The following KLHDC4 variants were observed in gnomAD, a reference collection of about 807,000 sequenced individuals.
KLHDC4 encodes kelch domain-containing protein 4.
KLHDC4 carries 90 observed loss-of-function variants against 62.4 expected under a neutral mutation model. The ratio of observed to expected loss-of-function variants is 1.44; its 90% CI spans 1.22 to 1.72. KLHDC4 has a LOEUF of 1.72. Ranked by LOEUF, KLHDC4 falls within the 40% of genes most tolerant of loss-of-function variation. The probability of loss-of-function intolerance (pLI) is 0.00; values close to 1 mark genes in which losing one functional copy is unlikely to be tolerated. For synonymous variants in KLHDC4, 386 were observed against 284.4 expected, an observed-to-expected ratio of 1.36 and a Z score of -3.59; for missense variants, 1,025 against 699.7, an observed-to-expected ratio of 1.47 and a Z score of -5.25.
intron 1 of KLHDC4, among the ~76,000 whole-genome samples, chr16:87,763,765 G>A (rs1370797235): frequency 6.6e-6 from 1 of 152,150 alleles, no homozygotes; most frequent in Non-Finnish European, 1.5e-5. Flanking sequence ...TTTGACCTTG[G>A]CTGAACCTCA....
At chr16:87,747,083 G>A (rs572655564) in intron 5 of KLHDC4, among the ~76,000 whole-genome samples, 11 of 152,196 alleles carry the variant, frequency 7.2e-5, no homozygotes, top group African/African-American at 2.7e-4. Context: ...TATTCCCTTG[G>A]AACAGATACC....
At chr16:87,759,012 C>A (rs933378367) in intron 2 of KLHDC4, among the ~76,000 whole-genome samples, 11 of 151,992 alleles carry the variant, frequency 7.2e-5, no homozygotes, top group Non-Finnish European at 1.0e-4. Flanking sequence ...CCCATCTCTA[C>A]TAAAAATACA....
At chr16:87,753,517 A>G (rs1002975797) in intron 4 of KLHDC4, among the ~76,000 whole-genome samples, 1 of 152,134 alleles carries the variant, frequency 6.6e-6, no homozygotes, top group African/African-American at 2.4e-5. Context: ...CCAGACACTC[A>G]GGCTGGGAGC....
At chr16:87,765,609 G>A (rs961968005) in intron 1 of KLHDC4, among the ~76,000 whole-genome samples, 183 bp downstream of exon 1, 8 of 152,150 alleles carry the variant, frequency 5.3e-5, no homozygotes, top group African/African-American at 1.2e-4. Flanking sequence ...TGGAGACTCA[G>A]GAGGGGGCGG....
At chr16:87,737,291 A>G (rs1350419340) in intron 5 of KLHDC4, among the ~76,000 whole-genome samples, 1 of 151,392 alleles carries the variant, frequency 6.6e-6, no homozygotes, top group Non-Finnish European at 1.5e-5. Context: ...TATGGCTCAA[A>G]AACCACTTAC....
At chr16:87,702,631 C>T (rs989782503), upstream of KLHDC4, 8 of 226,812 alleles carry the variant, frequency 3.5e-5, no homozygotes, top group South Asian at 1.3e-4. Context: ...CCCCAGAGCC[C>T]GGCGGAGAAA....
At chr16:87,753,610 G>A (rs527430805) in intron 4 of KLHDC4, among the ~76,000 whole-genome samples, 2 of 150,998 alleles carry the variant, frequency 1.3e-5, no homozygotes, top group Admixed American at 1.3e-4. Flanking sequence ...AACCAGCCTG[G>A]CCAACATGGT....
chr16:87,758,496 C>A (rs1183972971), intron 2 of KLHDC4, among the ~76,000 whole-genome samples: 6 of 152,130 alleles, frequency 3.9e-5, no homozygotes, highest in Non-Finnish European at 7.4e-5. Flanking sequence ...CTAGAATAGG[C>A]CAATTCACAG....
chr16:87,713,631 G>A (rs1192597006), intron 8 of KLHDC4, among the ~76,000 whole-genome samples: 1 of 152,086 alleles, frequency 6.6e-6, no homozygotes, highest in Non-Finnish European at 1.5e-5. Context: ...CTGACGGGCA[G>A]CCACTGGCAG....
At chr16:87,735,972 C>T (rs1308952598) in intron 5 of KLHDC4, among the ~76,000 whole-genome samples, 1 of 152,208 alleles carries the variant, frequency 6.6e-6, no homozygotes, top group Non-Finnish European at 1.5e-5. Flanking sequence ...AAACGCTTCT[C>T]TGAGTTAAGC....
chr16:87,763,255 T>C (rs2046141775), intron 1 of KLHDC4, among the ~76,000 whole-genome samples: 2 of 152,238 alleles, frequency 1.3e-5, no homozygotes, highest in Admixed American at 6.5e-5. Flanking sequence ...CTTCAATCTT[T>C]TATTACACAT....
At chr16:87,765,635 C>T (rs979979167) in intron 1 of KLHDC4, among the ~76,000 whole-genome samples, 157 bp downstream of exon 1, 3 of 152,116 alleles carry the variant, frequency 2.0e-5, no homozygotes, top group African/African-American at 4.8e-5. Context: ...GTCTGGGCTG[C>T]CCGGACGCGG....
intron 1 of KLHDC4, among the ~76,000 whole-genome samples, chr16:87,763,035 C>G (rs1165045536): frequency 6.6e-6 from 1 of 152,204 alleles, no homozygotes; most frequent in East Asian, 1.9e-4. Context: ...CAGTCTACCT[C>G]TCATCTCAGG....
chr16:87,745,235 C>G (rs2042867963), intron 5 of KLHDC4, among the ~76,000 whole-genome samples: 8 of 152,218 alleles, frequency 5.3e-5, no homozygotes, highest in Admixed American at 5.2e-4. Context: ...CTCACAACAC[C>G]CGCCCTGGGG....
chr16:87,709,725 T>C, intron 9 of KLHDC4, 58 bp from the exon 10 acceptor site: 1 of 1,482,368 alleles, frequency 6.7e-7, no homozygotes, highest in Non-Finnish European at 9.0e-7. Context: ...GGGTCATTCC[T>C]GCTATGCCCA....
At chr16:87,764,904 T>C (rs189910519) in intron 1 of KLHDC4, among the ~76,000 whole-genome samples, 3 of 150,222 alleles carry the variant, frequency 2.0e-5, no homozygotes, top group African/African-American at 7.4e-5. Flanking sequence ...ATTTAAGAGA[T>C]GAGGACATGG....
intron 2 of KLHDC4, among the ~76,000 whole-genome samples, chr16:87,758,431 G>A (rs1235615795): frequency 6.6e-6 from 1 of 152,194 alleles, no homozygotes; most frequent in Non-Finnish European, 1.5e-5. Flanking sequence ...GACATACCAG[G>A]TGAAGGAAGT....
chr16:87,762,661 C>A (rs1042801727), intron 1 of KLHDC4, among the ~76,000 whole-genome samples: 2 of 152,230 alleles, frequency 1.3e-5, no homozygotes, highest in Non-Finnish European at 2.9e-5. Flanking sequence ...ATACCAGCTG[C>A]AGTCTATCCA....
chr16:87,737,490 A>G (rs1374963378), intron 5 of KLHDC4, among the ~76,000 whole-genome samples: 1 of 152,016 alleles, frequency 6.6e-6, no homozygotes, highest in African/African-American at 2.4e-5. Flanking sequence ...TGGAAAGCTG[A>G]GGCAAGAGAA....
Sources: gnomAD v4.1 joint callset for allele counts (sites outside exome capture counted in the v4.1 genomes callset) on GRCh38, gnomAD v4.1.1 for gene constraint, MANE v1.5 for transcripts, NCBI Gene and HGNC (gene_info 2026-07-23, HGNC 2026-07-21) for gene names.